Variants in OTUD7B observed in about 807,000 individuals in gnomAD.
OTUD7B encodes OTU deubiquitinase 7B.
A neutral mutation model predicts 82.2 loss-of-function variants in OTUD7B; 34 were observed. The ratio of observed to expected loss-of-function variants is 0.41; its 90% CI spans 0.31 to 0.55. The LOEUF (loss-of-function observed/expected upper bound fraction) is 0.55. Among genes scored for constraint, OTUD7B ranks in the 20% least tolerant of loss-of-function variants. The pLI, the probability that OTUD7B is intolerant of heterozygous loss-of-function variation, is 0.20. For synonymous variants in OTUD7B, 398 were observed against 402.7 expected, an observed-to-expected ratio of 0.99 and a Z score of 0.14; for missense variants, 944 against 1,062.1, an observed-to-expected ratio of 0.89 and a Z score of 1.55.
chr1:150,042,098 G>A, the OTUD7B span, among the ~76,000 whole-genome samples: 673 of 131,196 alleles, frequency 5.1e-3, 14 homozygotes, highest in African/African-American at 0.018. Flanking sequence ...GAATGCAGAG[G>A]TGCAGACCCT....
At chr1:150,065,424 T>C in the OTUD7B span, among the ~76,000 whole-genome samples, 3 of 152,198 alleles carry the variant, frequency 2.0e-5, no homozygotes, top group Non-Finnish European at 4.4e-5. Flanking sequence ...CACTGATTTC[T>C]TGGACCCAGT....
chr1:150,005,753 C>A (rs1441796712), intron 1 of OTUD7B, among the ~76,000 whole-genome samples: 1 of 151,992 alleles, frequency 6.6e-6, no homozygotes, highest in Non-Finnish European at 1.5e-5. Context: ...CTGGAAGAGC[C>A]TCTACAAAGC....
chr1:149,980,875 T>C (rs1051942741), intron 1 of OTUD7B, among the ~76,000 whole-genome samples: 1 of 151,712 alleles, frequency 6.6e-6, no homozygotes, highest in African/African-American at 2.4e-5. Context: ...TAATTAAGCA[T>C]GGTCGTGTGT....
rs587684759 is a variant in OTUD7B at position 150,000,361 on chromosome 1, G to A, written c.-67+10087C>T. 8.5e-5 allele frequency among the ~76,000 whole-genome samples: 13 copies of A among 152,184 alleles called. No homozygotes were observed. The South Asian group carries it at 2.7e-3, about 32-fold the overall frequency. On this transcript the variant is annotated intron_variant, in intron 1 of 11. Coordinates refer to ENST00000581312, the MANE Select transcript of OTUD7B (RefSeq NM_020205.4). ...GTGGTAGCGCGCACCTGTAGTCCCAGCTACTTGGGAGGCTGAGGCAGGACA... is the reference window on the plus strand; with the variant it reads ...GTGGTAGCGCGCACCTGTAGTCCCAACTACTTGGGAGGCTGAGGCAGGACA...
At chr1:149,966,568 C>T (rs1165414427) in intron 4 of OTUD7B, among the ~76,000 whole-genome samples, 1 of 152,086 alleles carries the variant, frequency 6.6e-6, no homozygotes, top group Admixed American at 6.5e-5. Flanking sequence ...ATGCAGTCAT[C>T]CCACAATTGC....
rs199865805 is a variant in OTUD7B at position 149,944,305 on chromosome 1, T to C, written c.2084A>G (p.Asp695Gly). The change falls in exon 12 of 12, where the codon GAC becomes GGC. Residue 695 changes from aspartate (D) to glycine (G), a missense_variant. Coordinates refer to ENST00000581312, the MANE Select transcript of OTUD7B (RefSeq NM_020205.4). ...AMAFSTGYPG[D>G]FTIPRPSGGG... ...CCCAGACGGCCGAGGGATAGTAAAGTCCCCAGGGTAGCCAGTGGAAAATGC... is the reference window on the plus strand; with the variant it reads ...CCCAGACGGCCGAGGGATAGTAAAGCCCCCAGGGTAGCCAGTGGAAAATGC... 255 of 1,610,582 alleles carry C rather than the reference T, an allele frequency of 1.6e-4. 1 individual carries two copies. In the African/African-American group the frequency reaches 3.1e-3, roughly 20 times the overall value.
chr1:150,004,510 A>C (rs1321558700), intron 1 of OTUD7B, among the ~76,000 whole-genome samples: 3 of 152,074 alleles, frequency 2.0e-5, no homozygotes, highest in African/African-American at 7.2e-5. Context: ...CAGTCAGCCA[A>C]GATTGTGTCA....
chr1:150,041,970 C>G, the OTUD7B span, among the ~76,000 whole-genome samples: 2 of 152,028 alleles, frequency 1.3e-5, no homozygotes, highest in Admixed American at 6.6e-5. Context: ...ATAGGTTTTG[C>G]TTTGTAATGT....
At chr1:149,995,237 G>A (rs991891594) in intron 1 of OTUD7B, among the ~76,000 whole-genome samples, 53 of 152,086 alleles carry the variant, frequency 3.5e-4, no homozygotes, top group African/African-American at 1.2e-3. Flanking sequence ...GATACTCCTG[G>A]ATCCCCAATA....
rs1444276787 is a variant in OTUD7B at position 149,947,346 on chromosome 1, G to T, written c.1239-11C>A. Reference sequence around the variant, plus strand: ...AGGGACAGAATTACACTATGAAAAAGAGAAAAAACAAATTACTGTCACCTT... The same window carrying T: ...AGGGACAGAATTACACTATGAAAAATAGAAAAAACAAATTACTGTCACCTT... On this transcript the variant is annotated splice_polypyrimidine_tract_variant and intron_variant, in intron 10 of 11. Transcript: ENST00000581312. 6 of 1,532,048 alleles carry T rather than the reference G, an allele frequency of 3.9e-6. No individual in the cohort carries two copies. The highest frequency in any genetic ancestry group is 4.5e-6 in the Non-Finnish European group (5 of 1,106,632). The allele number at this position is 1,532,048 out of a possible 1,614,324, so 94.9% of individuals were successfully genotyped here. A position where few individuals can be genotyped will look rare whatever the true frequency, so the allele number is the denominator to read the frequency against.
At chr1:149,992,136 A>T (rs1651609569) in intron 1 of OTUD7B, among the ~76,000 whole-genome samples, 1 of 152,088 alleles carries the variant, frequency 6.6e-6, no homozygotes, top group Non-Finnish European at 1.5e-5. Flanking sequence ...GAGGCAGGAG[A>T]ACCACTTGAA....
intron 1 of OTUD7B, among the ~76,000 whole-genome samples, chr1:149,994,182 T>TAA (rs1247214160): frequency 2.0e-5 from 3 of 152,014 alleles, no homozygotes; most frequent in African/African-American, 7.3e-5. Context: ...TAACAAGTGC[T>TAA]AACTTTGCAG....
chr1:150,046,796 C>G, the OTUD7B span, among the ~76,000 whole-genome samples: 2 of 151,442 alleles, frequency 1.3e-5, no homozygotes, highest in African/African-American at 4.8e-5. Context: ...CTAGGGTGGG[C>G]ATGGTGGCTC....
intron 1 of OTUD7B, among the ~76,000 whole-genome samples, chr1:149,984,696 T>C (rs1651015124): frequency 6.6e-6 from 1 of 152,202 alleles, no homozygotes; most frequent in Admixed American, 6.5e-5. Flanking sequence ...TATAAAAACA[T>C]GAGCTTATTC....
intron 1 of OTUD7B, among the ~76,000 whole-genome samples, chr1:149,980,094 T>C (rs587704643): frequency 6.6e-6 from 1 of 152,112 alleles, no homozygotes; most frequent in South Asian, 2.1e-4. Context: ...CAGACAGTCT[T>C]CTGGGTGAGA....
intron 1 of OTUD7B, among the ~76,000 whole-genome samples, chr1:150,002,568 A>G (rs1553785118): frequency 6.6e-6 from 1 of 152,228 alleles, no homozygotes. Flanking sequence ...TCTATCTGCT[A>G]GTACAATGCA....
chr1:150,021,035 GC>G, the OTUD7B span, among the ~76,000 whole-genome samples: 1 of 152,076 alleles, frequency 6.6e-6, no homozygotes, highest in Non-Finnish European at 1.5e-5. Context: ...TACGACAAAA[GC>G]AATTCATTTT....
chr1:150,046,954 C>T, the OTUD7B span, among the ~76,000 whole-genome samples: 2 of 152,070 alleles, frequency 1.3e-5, no homozygotes, highest in South Asian at 4.2e-4. Context: ...GCCTGTAATC[C>T]CAGCTACTGG....
At chr1:150,044,395 A>G in the OTUD7B span, among the ~76,000 whole-genome samples, 3 of 151,834 alleles carry the variant, frequency 2.0e-5, no homozygotes, top group Non-Finnish European at 2.9e-5. Context: ...TTTAGTAGAG[A>G]TGGGATTTCA....
Sources: allele counts gnomAD v4.1 joint callset (sites outside exome capture counted in the v4.1 genomes callset), GRCh38; gene constraint gnomAD v4.1.1; transcripts MANE v1.5; gene names NCBI Gene and HGNC (gene_info 2026-07-23, HGNC 2026-07-21).